KITLG: variants seen among roughly 807,000 people sequenced by gnomAD.
The protein encoded by KITLG is KIT ligand.
In KITLG, 13 loss-of-function variants were observed where a neutral mutation model predicts 34.1. The observed-to-expected ratio is 0.38, with a 90% CI of 0.25 to 0.61. KITLG has a LOEUF of 0.61. Ranked by LOEUF, KITLG falls within the 20% of genes least tolerant of loss-of-function variation. The probability of loss-of-function intolerance (pLI) is 0.60; values close to 1 mark genes in which losing one functional copy is unlikely to be tolerated. For synonymous variants in KITLG, 110 were observed against 104.0 expected (o/e 1.06, Z -0.35); for missense variants, 292 against 318.9 (o/e 0.92, Z 0.64).
At chr12:88,549,192 A>G (rs970626200) in intron 1 of KITLG, among the ~76,000 whole-genome samples, 9 of 152,206 alleles carry the variant, frequency 5.9e-5, no homozygotes, top group Non-Finnish European at 1.2e-4. Context: ...TGGAGAGGAC[A>G]GCTCATGTAG....
At chr12:88,526,175 C>G (rs1393932530) in intron 3 of KITLG, among the ~76,000 whole-genome samples, 3 of 152,062 alleles carry the variant, frequency 2.0e-5, no homozygotes, top group Admixed American at 2.0e-4. Flanking sequence ...GGCTCTCAGC[C>G]TTTAGTAAAT....
At chr12:88,541,637 A>T (rs1239366991) in intron 2 of KITLG, among the ~76,000 whole-genome samples, 3 of 152,144 alleles carry the variant, frequency 2.0e-5, no homozygotes, top group African/African-American at 7.2e-5. Flanking sequence ...CAGATACTTG[A>T]CCCTTTCTTT....
chr12:88,522,489 G>C (rs1010628747), intron 3 of KITLG, among the ~76,000 whole-genome samples: 2 of 148,610 alleles, frequency 1.3e-5, no homozygotes, highest in Non-Finnish European at 3.0e-5. Context: ...GTGCAATGGC[G>C]TGGTCTCAGC....
chr12:88,498,895 AAGAG>A (rs201253849), intron 9 of KITLG, among the ~76,000 whole-genome samples: 3 of 151,846 alleles, frequency 2.0e-5, no homozygotes. Flanking sequence ...TCAAGAAAGA[AAGAG>A]AGAGAGAGAG....
chr12:88,518,701 G>C lies in KITLG; in HGVS notation c.359C>G (p.Ser120Cys). The change falls in exon 4 of 10, where the codon TCT becomes TGT. Residue 120 changes from serine to cysteine, a missense_variant. Ser to Cys is a moderately radical substitution (Grantham distance 112). This residue lies in a region of KITLG where 152 missense variants were observed against 207.9 expected (regional missense o/e 0.73). Transcript: ENST00000644744. ...TCCCAATGAACACAAAGTTACCTTAGATGAGTTTTCTTTCACGCACTCCAC... is the reference window on the plus strand; with the variant it reads ...TCCCAATGAACACAAAGTTACCTTACATGAGTTTTCTTTCACGCACTCCAC... The part of the protein sequence containing the change: ...DLVECVKENS[S>C]KDLKKSFKSP... 1 of 1,611,312 alleles carries C rather than the reference G, an allele frequency of 6.2e-7. No homozygotes were observed. The highest frequency in any genetic ancestry group is 8.5e-7 in the Non-Finnish European group (1 of 1,177,652).
intron 3 of KITLG, 108 bp from the exon 4 acceptor site, chr12:88,518,975 G>T: frequency 1.0e-6 from 1 of 968,914 alleles, no homozygotes; most frequent in Non-Finnish European, 1.6e-6. Context: ...TGATTCTCCT[G>T]CCTCAGCCTC....
intron 1 of KITLG, among the ~76,000 whole-genome samples, chr12:88,573,970 A>G (rs189805111): frequency 4.8e-4 from 73 of 152,236 alleles, no homozygotes; most frequent in South Asian, 3.7e-3. Context: ...CCATGTTCTA[A>G]TCAGCAGCAT....
chr12:88,570,612 T>A (rs1871616155), intron 1 of KITLG, among the ~76,000 whole-genome samples: 1 of 152,170 alleles, frequency 6.6e-6, no homozygotes, highest in South Asian at 2.1e-4. Flanking sequence ...TGCATTATAT[T>A]GTAGTGATTA....
At chr12:88,569,854 A>T (rs1015861915) in intron 1 of KITLG, among the ~76,000 whole-genome samples, 1 of 152,226 alleles carries the variant, frequency 6.6e-6, no homozygotes, top group African/African-American at 2.4e-5. Context: ...ACAATCACCC[A>T]TTTAAAATCT....
At chr12:88,507,275 TCTG>T (rs1380281470) in intron 6 of KITLG, 138 bp from the exon 7 acceptor site, 5 of 635,756 alleles carry the variant, frequency 7.9e-6, no homozygotes, top group Non-Finnish European at 1.4e-5. Context: ...GATTGATTTT[TCTG>T]CTGAATATTG....
chr12:88,520,263 T>G (rs1218682198), intron 3 of KITLG, among the ~76,000 whole-genome samples: 1 of 152,210 alleles, frequency 6.6e-6, no homozygotes, highest in Non-Finnish European at 1.5e-5. Flanking sequence ...TGCAAGTTCC[T>G]ACTTGCATCA....
At chr12:88,548,269 C>A (rs1248322742) in intron 1 of KITLG, among the ~76,000 whole-genome samples, 1 of 152,082 alleles carries the variant, frequency 6.6e-6, no homozygotes, top group African/African-American at 2.4e-5. Context: ...GCCTGGCCAA[C>A]ATGGTGAATC....
At chr12:88,524,657 A>G (rs915286868) in intron 3 of KITLG, among the ~76,000 whole-genome samples, 2 of 151,960 alleles carry the variant, frequency 1.3e-5, no homozygotes, top group African/African-American at 2.4e-5. Context: ...TTGTATTTCT[A>G]TCAGAGAATA....
chr12:88,564,251 CAGAA>C (rs1382290900), intron 1 of KITLG: 1 of 152,144 alleles, frequency 6.6e-6, no homozygotes, highest in Non-Finnish European at 1.5e-5. Flanking sequence ...TGGGAAAATA[CAGAA>C]AGAAACTTTC....
At chr12:88,579,684 C>A (rs1297749713) in intron 1 of KITLG, among the ~76,000 whole-genome samples, 2 of 152,160 alleles carry the variant, frequency 1.3e-5, no homozygotes, top group Admixed American at 1.3e-4. Context: ...AGGCAGACAC[C>A]GCCGAGAGCC....
intron 1 of KITLG, among the ~76,000 whole-genome samples, chr12:88,557,334 G>A (rs1020641759): frequency 6.6e-6 from 1 of 152,068 alleles, no homozygotes; most frequent in African/African-American, 2.4e-5. Context: ...TAATAAAGAT[G>A]TACATAATAG....
In KITLG at chr12:88,580,449, C is replaced by A. The variant is rs1871981668; in HGVS notation, c.-171G>T. On this transcript the variant is annotated 5_prime_UTR_variant, in exon 1 of 10. Transcript: ENST00000644744. Reference sequence around the variant, plus strand: ...CTGCTTCCCGCAGCGCTTCTAGTCTCGGCGCGAGGCGGCGAGCGAAGCCCG... The same window carrying A: ...CTGCTTCCCGCAGCGCTTCTAGTCTAGGCGCGAGGCGGCGAGCGAAGCCCG... 2 of 779,470 alleles carry A rather than the reference C, an allele frequency of 2.6e-6. No individual in the cohort carries two copies. Among genetic ancestry groups the A allele is most frequent in the African/African-American group, 1.8e-5 (1 of 56,804 alleles). 48.3% of individuals were successfully genotyped at this position (779,470 alleles called of 1,614,324 possible).
At chr12:88,570,936 TG>T (rs1364302049) in intron 1 of KITLG, among the ~76,000 whole-genome samples, 1 of 152,200 alleles carries the variant, frequency 6.6e-6, no homozygotes, top group East Asian at 1.9e-4. Context: ...TTAAACAGCT[TG>T]TCTTTGGCCT....
rs572697934 is a variant in KITLG, at chr12:88,560,213, C to T, written c.16-14348G>A. On this transcript the variant is annotated intron_variant, in intron 1 of 9. Transcript: ENST00000644744. The stretch of plus-strand genomic sequence containing the variant: ...TGAGAACATTACATGACTATTAATG[C>T]TCTAATTATTATTTTGTTAATTACA... Among the ~76,000 whole-genome samples the T allele has an allele frequency of 1.6e-3, 249 of 152,260 alleles. 1 individual carries two copies. The highest frequency in any genetic ancestry group is 5.8e-3 in the African/African-American group (239 of 41,542).
Sources: allele counts gnomAD v4.1 joint callset (sites outside exome capture counted in the v4.1 genomes callset), GRCh38; gene constraint gnomAD v4.1.1; regional missense constraint gnomAD v4.1.1; transcripts MANE v1.5; gene names NCBI Gene and HGNC (gene_info 2026-07-23, HGNC 2026-07-21).